The following AUTS2 variants were observed in gnomAD, a reference collection of about 807,000 sequenced individuals.
AUTS2 encodes the protein activator of transcription and developmental regulator AUTS2.
In AUTS2, 17 loss-of-function variants were observed where a neutral mutation model predicts 112.4. The observed-to-expected ratio is 0.15, with a 90% CI of 0.10 to 0.23. The LOEUF (loss-of-function observed/expected upper bound fraction) is 0.23. Among genes scored for constraint, AUTS2 ranks in the 10% least tolerant of loss-of-function variants. AUTS2 has a pLI of 1.00. For synonymous variants in AUTS2, 751 were observed against 702.7 expected (o/e 1.07, Z -1.09); for missense variants, 1,510 against 1,701.6 (o/e 0.89, Z 1.98).
chr7:70,298,360 G>A (rs1448981725), intron 4 of AUTS2, among the ~76,000 whole-genome samples: 2 of 152,226 alleles, frequency 1.3e-5, no homozygotes, highest in South Asian at 2.1e-4. Flanking sequence ...CAAATTTTAA[G>A]TCACTCCAGT....
At chr7:70,466,320 T>G (rs891295586) in intron 5 of AUTS2, among the ~76,000 whole-genome samples, 1 of 152,248 alleles carries the variant, frequency 6.6e-6, no homozygotes, top group Non-Finnish European at 1.5e-5. Flanking sequence ...ATTATATCCT[T>G]GCCTCTCAAT....
At chr7:70,634,099 C>G (rs1342857044) in intron 5 of AUTS2, among the ~76,000 whole-genome samples, 1 of 151,900 alleles carries the variant, frequency 6.6e-6, no homozygotes. Context: ...TGAACAAAAC[C>G]AGCAAAAGGT....
At chr7:69,924,103 T>C (rs932652035) in intron 2 of AUTS2, among the ~76,000 whole-genome samples, 3 of 152,212 alleles carry the variant, frequency 2.0e-5, no homozygotes, top group Non-Finnish European at 4.4e-5. Flanking sequence ...CTTTATTAGG[T>C]TGAGAATGTT....
chr7:70,772,603 C>G (rs944349142), intron 11 of AUTS2, among the ~76,000 whole-genome samples: 2 of 152,158 alleles, frequency 1.3e-5, no homozygotes, highest in Admixed American at 6.5e-5. Context: ...AAGCACATAA[C>G]TGCATTTCCA....
chr7:69,673,245 G>C (rs1409720322), intron 1 of AUTS2, among the ~76,000 whole-genome samples: 1 of 152,190 alleles, frequency 6.6e-6, no homozygotes, highest in Non-Finnish European at 1.5e-5. Context: ...TAAGGCAAGA[G>C]ATTGTGGTGC....
At chr7:69,600,886 G>T (rs1275674883) in intron 1 of AUTS2, among the ~76,000 whole-genome samples, 1 of 151,546 alleles carries the variant, frequency 6.6e-6, no homozygotes, top group East Asian at 1.9e-4. Flanking sequence ...GATTGGCTTT[G>T]TGTGTGTCTA....
chr7:70,378,705 C>G (rs1026602757), intron 4 of AUTS2, among the ~76,000 whole-genome samples: 1 of 152,154 alleles, frequency 6.6e-6, no homozygotes, highest in Non-Finnish European at 1.5e-5. Context: ...CATTATATTC[C>G]CAGCATGGTT....
chr7:70,182,678 T>C (rs1231031632), intron 4 of AUTS2, among the ~76,000 whole-genome samples: 1 of 152,174 alleles, frequency 6.6e-6, no homozygotes, highest in African/African-American at 2.4e-5. Context: ...CAATAAGTGC[T>C]TGTAGCTTAC....
intron 4 of AUTS2, among the ~76,000 whole-genome samples, chr7:70,360,114 A>AG (rs1792192790): frequency 6.6e-6 from 1 of 152,326 alleles, no homozygotes; most frequent in East Asian, 1.9e-4. Context: ...TGGCTTTGAA[A>AG]GGAAAAAATA....
intron 2 of AUTS2, among the ~76,000 whole-genome samples, chr7:70,081,164 G>C (rs1158875597): frequency 6.6e-6 from 1 of 152,016 alleles, no homozygotes; most frequent in Non-Finnish European, 1.5e-5. Flanking sequence ...TTGCGATAAT[G>C]GGAGAAATTT....
intron 1 of AUTS2, among the ~76,000 whole-genome samples, chr7:69,688,489 C>CT (rs771319434): frequency 6.6e-6 from 1 of 152,054 alleles, no homozygotes; most frequent in African/African-American, 2.4e-5. Context: ...TGTTTATTTC[C>CT]TTTTTTTCTT....
intron 1 of AUTS2, among the ~76,000 whole-genome samples, chr7:69,817,728 C>T (rs1319807131): frequency 6.6e-6 from 1 of 152,148 alleles, no homozygotes; most frequent in Non-Finnish European, 1.5e-5. Context: ...AAACCATGGC[C>T]TGCCTTGGGT....
intron 1 of AUTS2, among the ~76,000 whole-genome samples, chr7:69,791,702 G>A (rs1177763004): frequency 6.6e-6 from 1 of 152,198 alleles, no homozygotes; most frequent in African/African-American, 2.4e-5. Context: ...TTAATTCCCA[G>A]ATACTTACAC....
intron 2 of AUTS2, among the ~76,000 whole-genome samples, chr7:70,026,151 C>G (rs1232620488): frequency 1.3e-5 from 2 of 152,174 alleles, no homozygotes; most frequent in African/African-American, 4.8e-5. Flanking sequence ...GTGGTACCTA[C>G]TACTACTTAC....
Position 70,791,839 on chromosome 7 carries a change from G to A in AUTS2, c.*843G>A, listed in dbSNP as rs906979629. ...GGGCTCTGGGGGAAAGTGTAGCCCC[G>A]GAGAGGTAACTGAGGACATGAGCAA... On this transcript the variant is annotated 3_prime_UTR_variant, in exon 19 of 19. Transcript: ENST00000342771. 3 of 152,240 alleles carry A rather than the reference G, an allele frequency of 2.0e-5. No homozygotes were observed. The highest frequency in any genetic ancestry group is 2.9e-5 in the Non-Finnish European group (2 of 68,028). The allele number at this position is 152,240 out of a possible 1,614,324, so 9.4% of individuals were successfully genotyped here.
intron 1 of AUTS2, among the ~76,000 whole-genome samples, chr7:69,640,795 G>A (rs930687583): frequency 2.0e-5 from 3 of 152,222 alleles, no homozygotes; most frequent in Admixed American, 6.5e-5. Context: ...GTTGATATAG[G>A]GAGTAATAAT....
intron 1 of AUTS2, among the ~76,000 whole-genome samples, chr7:69,618,464 G>A (rs966743989): frequency 6.6e-6 from 1 of 152,160 alleles, no homozygotes; most frequent in African/African-American, 2.4e-5. Flanking sequence ...ACCTGCATGA[G>A]AGTGTGTTAC....
intron 4 of AUTS2, among the ~76,000 whole-genome samples, chr7:70,191,161 C>CTTTTTTTTTT (rs34637651): frequency 5.4e-4 from 47 of 86,416 alleles, no homozygotes; most frequent in Non-Finnish European, 7.4e-4. Context: ...CCACTTATTT[C>CTTTTTTTTTT]TTTTTTTTTT....
intron 5 of AUTS2, among the ~76,000 whole-genome samples, chr7:70,499,034 G>A (rs1267549084): frequency 2.0e-5 from 3 of 152,130 alleles, no homozygotes; most frequent in Admixed American, 2.0e-4. Context: ...ATTGGTTTTG[G>A]CATCTCTCTT....
Sources: allele counts gnomAD v4.1 joint callset (sites outside exome capture counted in the v4.1 genomes callset), GRCh38; gene constraint gnomAD v4.1.1; transcripts MANE v1.5; gene names NCBI Gene and HGNC (gene_info 2026-07-23, HGNC 2026-07-21).